The following C4BPB variants were observed in gnomAD, a reference collection of about 807,000 sequenced individuals.
C4BPB encodes C4b-binding protein beta chain.
Under a neutral mutation model 26.6 loss-of-function variants are expected in C4BPB, and 19 were observed. That is an observed-to-expected ratio of 0.71 (90% CI 0.50 to 1.05). The LOEUF is 1.05. Among genes scored for constraint, C4BPB ranks in the 50% least tolerant of loss-of-function variants. C4BPB has a pLI of 0.00. For synonymous variants in C4BPB, 118 were observed against 103.5 expected, an observed-to-expected ratio of 1.14 and a Z score of -0.85; for missense variants, 282 against 302.9, an observed-to-expected ratio of 0.93 and a Z score of 0.51.
At chr1:207,098,473 C>A (rs909933209) in intron 6 of C4BPB, among the ~76,000 whole-genome samples, 1 of 152,194 alleles carries the variant, frequency 6.6e-6, no homozygotes, top group East Asian at 1.9e-4. Flanking sequence ...CTACCATCAT[C>A]ACAAATACCT....
At position 207,098,238 on chromosome 1, in the gene C4BPB, CCCAAA is replaced by C. The variant is rs751184433; in HGVS notation, c.596_600del (p.Lys199ArgfsTer3). 2.5e-6 allele frequency: 4 copies of C among 1,613,314 alleles called. No homozygotes were observed. The highest frequency in any genetic ancestry group is 2.7e-5 in the African/African-American group (2 of 75,028). ...AGTCTGCAAGTTGATCCAGGAAGCTCCCAAACCAGAGTGTGAGAAGGCACTTGTAA... is the reference window on the plus strand; with the variant it reads ...AGTCTGCAAGTTGATCCAGGAAGCTCCCAGAGTGTGAGAAGGCACTTGTAA... On this transcript the variant is annotated frameshift_variant, in exon 6 of 7. Transcript: ENST00000367078. LOFTEE classifies it low-confidence loss of function (END_TRUNC).
chr1:207,096,298 T>A (rs1684246062), intron 4 of C4BPB: 1 of 522,494 alleles, frequency 1.9e-6, no homozygotes, highest in African/African-American at 2.0e-5. Flanking sequence ...GAAGATGGGC[T>A]GGGGGAAAGC....
chr1:207,089,693 T>A (rs1683947660), intron 2 of C4BPB, 104 bp downstream of exon 2: 2 of 905,596 alleles, frequency 2.2e-6, no homozygotes, highest in Non-Finnish European at 3.5e-6. Flanking sequence ...ATTTATAATA[T>A]CTTTATTCTT....
intron 4 of C4BPB, 100 bp downstream of exon 4, chr1:207,091,920 A>G (rs1189381443): frequency 4.9e-6 from 5 of 1,016,450 alleles, no homozygotes; most frequent in South Asian, 1.7e-5. Flanking sequence ...CTTTTTTTGT[A>G]TCAGAGACAG....
At chr1:207,096,303 G>C (rs1448709758) in intron 4 of C4BPB, 1 of 529,190 alleles carries the variant, frequency 1.9e-6, no homozygotes, top group East Asian at 3.5e-5. Flanking sequence ...TGGGCTGGGG[G>C]AAAGCTCTTT....
chr1:207,099,943 C>A lies in C4BPB; in HGVS notation c.*14C>A. 6.3e-7 allele frequency: 1 copy of A among 1,598,604 alleles called. No individual in the cohort carries two copies. Among genetic ancestry groups the A allele is most frequent in the Non-Finnish European group, 8.5e-7 (1 of 1,174,394 alleles). ...AAATTGTTGTAACACTACAGCTGAG[C>A]AGATGTAATAGAAATAAACCTATGA... On this transcript the variant is annotated 3_prime_UTR_variant, in exon 7 of 7. Transcript: ENST00000367078.
chr1:207,099,985 G>A lies in C4BPB; in HGVS notation c.*56G>A. 2 of 1,523,074 alleles carry A rather than the reference G, an allele frequency of 1.3e-6. No individual in the cohort carries two copies. The highest frequency in any genetic ancestry group is 2.5e-5 in the South Asian group (2 of 80,922). The allele number at this position is 1,523,074 out of a possible 1,614,324, so 94.3% of individuals were successfully genotyped here. A position where few individuals can be genotyped will look rare whatever the true frequency, so the allele number is the denominator to read the frequency against. ...AACCTATGAATAAATTTTCTTCTTG[G>A]TTCTGAAATTGGTTTCAGATTTACC... On this transcript the variant is annotated 3_prime_UTR_variant, in exon 7 of 7. Coordinates refer to ENST00000367078, the MANE Select transcript of C4BPB (RefSeq NM_001017365.3).
intron 4 of C4BPB, chr1:207,095,274 C>G: frequency 2.2e-6 from 1 of 456,604 alleles, no homozygotes; most frequent in Non-Finnish European, 4.4e-6. Flanking sequence ...ACACGTCATC[C>G]TGCTTTCTTT....
At chr1:207,098,615 G>C (rs1371318576) in intron 6 of C4BPB, among the ~76,000 whole-genome samples, 1 of 152,112 alleles carries the variant, frequency 6.6e-6, no homozygotes, top group African/African-American at 2.4e-5. Context: ...GAGTGGGGAT[G>C]GTTTGGGGAT....
intron 4 of C4BPB, among the ~76,000 whole-genome samples, chr1:207,094,126 C>T (rs5016294): frequency 0.4 from 60,615 of 152,000 alleles, 14,577 homozygotes; most frequent in East Asian, 0.76. Context: ...TAGCCATTTA[C>T]GTCAGTGAGA....
At chr1:207,091,959 C>A (rs1050329209) in intron 4 of C4BPB, 139 bp downstream of exon 4, 28 of 692,250 alleles carry the variant, frequency 4.0e-5, no homozygotes, top group Middle Eastern at 7.9e-4. Context: ...AGCCATGAAA[C>A]AAGTGGAGCT....
chr1:207,089,531 G>T lies in C4BPB; in HGVS notation c.-1G>T. On this transcript the variant is annotated 5_prime_UTR_variant, in exon 2 of 7. Transcript: ENST00000367078. ...CCTGGGGAGAGGACTTTGATCACCAGATGTTTTTTTGGTGTGCGTGCTGTC... is the reference window on the plus strand; with the variant it reads ...CCTGGGGAGAGGACTTTGATCACCATATGTTTTTTTGGTGTGCGTGCTGTC... 6.2e-7 allele frequency: 1 copy of T among 1,613,968 alleles called. No individual in the cohort carries two copies. Among genetic ancestry groups the T allele is most frequent in the Admixed American group, 1.7e-5 (1 of 60,012 alleles).
chr1:207,092,533 C>G (rs1684070374), intron 4 of C4BPB, among the ~76,000 whole-genome samples: 1 of 151,724 alleles, frequency 6.6e-6, no homozygotes, highest in South Asian at 2.1e-4. Context: ...ATATGGCTCC[C>G]ATATTATTTT....
intron 5 of C4BPB, chr1:207,097,872 CCCAAAA>C (rs1373608417): frequency 3.6e-6 from 1 of 275,504 alleles, no homozygotes. Flanking sequence ...ACTCTCCCCA[CCCAAAA>C]CCTGGGTGTG....
intron 4 of C4BPB, among the ~76,000 whole-genome samples, chr1:207,093,992 GAT>G (rs1341301642): frequency 6.6e-6 from 1 of 152,068 alleles, no homozygotes; most frequent in Non-Finnish European, 1.5e-5. Context: ...TATATGAAAG[GAT>G]ATTGAACATT....
intron 5 of C4BPB, 75 bp downstream of exon 5, chr1:207,096,690 G>A: frequency 1.3e-6 from 1 of 780,638 alleles, no homozygotes; most frequent in Non-Finnish European, 2.1e-6. Context: ...CCCAGTCTGT[G>A]TCCACCTGGT....
At chr1:207,098,345 T>C in intron 6 of C4BPB, 81 bp downstream of exon 6, 1 of 863,344 alleles carries the variant, frequency 1.2e-6, no homozygotes, top group Non-Finnish European at 1.9e-6. Flanking sequence ...GCTCAGTATA[T>C]ATCTGTTTAA....
intron 2 of C4BPB, 117 bp from the exon 3 acceptor site, chr1:207,090,191 G>T (rs1314406559): frequency 2.5e-6 from 2 of 791,300 alleles, no homozygotes; most frequent in Non-Finnish European, 3.9e-6. Context: ...TACTTGGGAA[G>T]AGCACAGGAA....
chr1:207,099,814 TC>T lies in C4BPB; in HGVS notation c.645del (p.Cys216AlafsTer11). The T allele has an allele frequency of 1.9e-6, 3 of 1,613,678 alleles. No individual in the cohort carries two copies. The highest frequency in any genetic ancestry group is 2.2e-5 in the South Asian group (2 of 90,968). On this transcript the variant is annotated frameshift_variant, in exon 7 of 7. Transcript: ENST00000367078. LOFTEE classifies it low-confidence loss of function (END_TRUNC). Reference sequence around the variant, plus strand: ...CTTGCCTTTCAGGAGAGTAAGAACCTCTGCGAAGCCATGGAGAACTTTATGC... The same window carrying T: ...CTTGCCTTTCAGGAGAGTAAGAACCTTGCGAAGCCATGGAGAACTTTATGC... ...ALLAFQESKN[L>X]CEAMENFMQQ...
Sources: allele counts gnomAD v4.1 joint callset (sites outside exome capture counted in the v4.1 genomes callset), GRCh38; gene constraint gnomAD v4.1.1; transcripts MANE v1.5; gene names NCBI Gene and HGNC (gene_info 2026-07-23, HGNC 2026-07-21).